ALDH5A1: variants seen among roughly 807,000 people sequenced by gnomAD.
ALDH5A1 encodes aldehyde dehydrogenase 5 family member A1, also known as succinate-semialdehyde dehydrogenase, mitochondrial.
Under a neutral mutation model 54.7 loss-of-function variants are expected in ALDH5A1, and 33 were observed. The observed-to-expected ratio is 0.60, with a 90% CI of 0.46 to 0.81. The LOEUF is 0.81. Among genes scored for constraint, ALDH5A1 ranks in the 30% least tolerant of loss-of-function variants. The pLI is 0.00. For missense variants in ALDH5A1, 657 were observed against 711.0 expected, an observed-to-expected ratio of 0.92 and a Z score of 0.86; for synonymous variants, 294 against 292.7, an observed-to-expected ratio of 1.00 and a Z score of -0.05.
In ALDH5A1 at chr6:24,514,383, A is replaced by G. The variant is rs1759521061; in HGVS notation, c.727-784A>G. On this transcript the variant is annotated intron_variant, in intron 4 of 9. Transcript: ENST00000357578. ...CTTGGCATCTCCTTTGATTTTTCTC[A>G]GGGCAGAAATTCAGGTTTTTTTATT... Among the ~76,000 whole-genome samples, 3 of 152,154 alleles carry G rather than the reference A, an allele frequency of 2.0e-5. No individual in the cohort carries two copies. The South Asian group carries it at 6.2e-4, about 32-fold the overall frequency.
intron 4 of ALDH5A1, among the ~76,000 whole-genome samples, chr6:24,507,114 C>G: frequency 6.6e-6 from 1 of 152,180 alleles, no homozygotes; most frequent in South Asian, 2.1e-4. Context: ...CAGTTTAACC[C>G]TCCTTTAGAC....
intron 4 of ALDH5A1, among the ~76,000 whole-genome samples, chr6:24,508,305 T>A (rs188987349): frequency 3.0e-5 from 4 of 133,562 alleles, no homozygotes; most frequent in African/African-American, 1.2e-4. Context: ...GAGGTTGCAG[T>A]GAGCCAAGAT....
intron 4 of ALDH5A1, among the ~76,000 whole-genome samples, chr6:24,505,770 A>C (rs1759326562): frequency 6.6e-6 from 1 of 152,040 alleles, no homozygotes; most frequent in Admixed American, 6.6e-5. Flanking sequence ...GGAGTTCGAG[A>C]CCAGCCTGAC....
rs5874989 is a variant in ALDH5A1 at position 24,522,478 on chromosome 6, C to CGTGTGTGTGTGTGTGTGT, written c.1015-280_1015-263dup. ...TGGGTGGCTTTTTTTTCTTTTCTTT[C>CGTGTGTGTGTGTGTGTGT]GTGTGTGTGTGTGTGTGTGTGTGTG... On this transcript the variant is annotated intron_variant, in intron 6 of 9. Coordinates refer to ENST00000357578, the MANE Select transcript of ALDH5A1 (RefSeq NM_001080.3). 2.3e-3 allele frequency among the ~76,000 whole-genome samples: 314 copies of CGTGTGTGTGTGTGTGTGT among 134,596 alleles called. 7 individuals are homozygous for CGTGTGTGTGTGTGTGTGT. The highest frequency in any genetic ancestry group is 5.4e-3 in the East Asian group (25 of 4,610). The allele number at this position is 134,596 out of a possible 152,430, so 88.3% of individuals were successfully genotyped here.
chr6:24,504,906 G>T lies in ALDH5A1; in HGVS notation c.647G>T (p.Gly216Val). 6.2e-7 allele frequency: 1 copy of T among 1,614,220 alleles called. No individual in the cohort carries two copies. The highest frequency in any genetic ancestry group is 8.5e-7 in the Non-Finnish European group (1 of 1,180,042). The change falls in exon 4 of 10, where the codon GGG becomes GTG. Residue 216 changes from glycine (G) to valine (V), a missense_variant. Coordinates refer to ENST00000357578, the MANE Select transcript of ALDH5A1 (RefSeq NM_001080.3). ...FPSAMITRKV[G>V]AALAAGCTVV... Reference sequence around the variant, plus strand: ...AGTGCCATGATCACCCGGAAGGTGGGGGCCGCCCTGGCAGCCGGCTGTACT... The same window carrying T: ...AGTGCCATGATCACCCGGAAGGTGGTGGCCGCCCTGGCAGCCGGCTGTACT...
At chr6:24,513,801 C>T (rs761307741) in intron 4 of ALDH5A1, among the ~76,000 whole-genome samples, 7 of 150,018 alleles carry the variant, frequency 4.7e-5, no homozygotes, top group South Asian at 2.3e-4. Context: ...GTATACCACA[C>T]GGCCCGTTGC....
In ALDH5A1 at chr6:24,503,423, T is replaced by C; in HGVS notation, c.599T>C (p.Val200Ala). The C allele has an allele frequency of 6.2e-7, 1 of 1,612,674 alleles. No individual in the cohort carries two copies. Among genetic ancestry groups the C allele is most frequent in the Non-Finnish European group, 8.5e-7 (1 of 1,179,910 alleles). ...VLKQPIGVAAVITPWNFPSAM... is the reference protein window; with the variant it reads ...VLKQPIGVAAAITPWNFPSAM... ...AAGCAGCCCATAGGCGTGGCTGCAG[T>C]CATCACCCCGGTAGGTGACAGGATC... Residue 200 changes from valine to alanine, a missense_variant, in exon 3 of 10, where the codon GTC becomes GCC. By Grantham distance (64) the Val-to-Ala change is moderately conservative (BLOSUM62 0). Coordinates refer to ENST00000357578, the MANE Select transcript of ALDH5A1 (RefSeq NM_001080.3).
Position 24,537,028 on chromosome 6 carries a change from G to A in ALDH5A1, c.*3316G>A, listed in dbSNP as rs1477741258. On this transcript the variant is annotated 3_prime_UTR_variant, in exon 10 of 10. Transcript: ENST00000357578. ...AATATGTATGTTGTCATTGTTTCAT[G>A]CTATACTTTGTGGGATAAAACTTGG... 6.6e-6 allele frequency: 1 copy of A among 152,594 alleles called. No homozygotes were observed. Among genetic ancestry groups the A allele is most frequent in the African/African-American group, 2.4e-5 (1 of 41,432 alleles). 9.5% of individuals were successfully genotyped at this position (152,594 alleles called of 1,614,324 possible).
chr6:24,502,694 T>C (rs1490859466), intron 2 of ALDH5A1, 88 bp downstream of exon 2: 11 of 932,772 alleles, frequency 1.2e-5, no homozygotes, highest in Non-Finnish European at 1.7e-5. Flanking sequence ...TTCCCTTCAC[T>C]GCTGGCTGTA....
At chr6:24,508,384 A>AGG (rs1426073865) in intron 4 of ALDH5A1, among the ~76,000 whole-genome samples, 1 of 53,464 alleles carries the variant, frequency 1.9e-5, no homozygotes, top group Non-Finnish European at 5.5e-5. Flanking sequence ...AAAAAAAAAA[A>AGG]AAAAGATTAA....
chr6:24,533,822 C>T lies in ALDH5A1; in HGVS notation c.*110C>T. 1.9e-6 allele frequency: 2 copies of T among 1,075,608 alleles called. No homozygotes were observed. The highest frequency in any genetic ancestry group is 2.7e-6 in the Non-Finnish European group (2 of 738,178). 66.6% of individuals were successfully genotyped at this position (1,075,608 alleles called of 1,614,324 possible). The stretch of plus-strand genomic sequence containing the variant: ...TAGGTTTTCAGAATTATGAATTTTT[C>T]AGAACTCATCCAGTCCTTGTAATCT... On this transcript the variant is annotated 3_prime_UTR_variant, in exon 10 of 10. Coordinates refer to ENST00000357578, the MANE Select transcript of ALDH5A1 (RefSeq NM_001080.3).
At chr6:24,504,839 C>A in intron 3 of ALDH5A1, 30 bp from the exon 4 acceptor site, 1 of 1,598,498 alleles carries the variant, frequency 6.3e-7, no homozygotes, top group Non-Finnish European at 8.6e-7. Context: ...TCCTTCCTCT[C>A]ACATACTTCC....
intron 1 of ALDH5A1, among the ~76,000 whole-genome samples, chr6:24,500,478 C>T (rs1764798144): frequency 6.6e-6 from 1 of 151,924 alleles, no homozygotes; most frequent in African/African-American, 2.4e-5. Flanking sequence ...TTGTCAGATT[C>T]ATAGAGACAG....
chr6:24,513,901 G>A (rs1336655823), intron 4 of ALDH5A1, among the ~76,000 whole-genome samples: 1 of 152,172 alleles, frequency 6.6e-6, no homozygotes, highest in African/African-American at 2.4e-5. Context: ...GTAATTTGTG[G>A]TTTGTGGAGA....
chr6:24,531,268 T>A (rs1008492682), intron 8 of ALDH5A1, among the ~76,000 whole-genome samples: 1 of 152,248 alleles, frequency 6.6e-6, no homozygotes, highest in Admixed American at 6.5e-5. Context: ...AACTTTCATC[T>A]TCTTTGTTTT....
At chr6:24,527,260 C>T (rs576283468) in intron 7 of ALDH5A1, among the ~76,000 whole-genome samples, 2 of 152,030 alleles carry the variant, frequency 1.3e-5, no homozygotes, top group South Asian at 2.1e-4. Context: ...AACTAGACCA[C>T]ATCCAGTGCA....
chr6:24,531,879 T>G (rs1759943579), intron 8 of ALDH5A1: 3 of 554,820 alleles, frequency 5.4e-6, no homozygotes, highest in Non-Finnish European at 9.7e-6. Flanking sequence ...TACATGTTGG[T>G]CTGCTTTTTT....
chr6:24,523,020 A>T, intron 7 of ALDH5A1, 95 bp downstream of exon 7: 5 of 516,658 alleles, frequency 9.7e-6, no homozygotes, highest in Admixed American at 2.4e-5. Context: ...GGGTGGGGAT[A>T]GAGAGGGGTG....
At chr6:24,514,860 C>T (rs1343618745) in intron 4 of ALDH5A1, among the ~76,000 whole-genome samples, 1 of 152,132 alleles carries the variant, frequency 6.6e-6, no homozygotes, top group Non-Finnish European at 1.5e-5. Flanking sequence ...GCAACCTCCA[C>T]CTCCTGGGCT....
Sources: gnomAD v4.1 joint callset for allele counts (sites outside exome capture counted in the v4.1 genomes callset) on GRCh38, gnomAD v4.1.1 for gene constraint, MANE v1.5 for transcripts, NCBI Gene and HGNC (gene_info 2026-07-23, HGNC 2026-07-21) for gene names.